CCL28: variants seen among roughly 807,000 people sequenced by gnomAD.
The protein encoded by CCL28 is C-C motif chemokine ligand 28.
A neutral mutation model predicts 7.1 loss-of-function variants in CCL28; 4 were observed. The ratio of observed to expected loss-of-function variants is 0.56; its 90% confidence interval spans 0.28 to 1.29. The LOEUF is 1.29. Among genes scored for constraint, CCL28 ranks in the 50% most tolerant of loss-of-function variants. CCL28 has a pLI of 0.11. For missense variants in CCL28, 151 were observed against 163.4 expected, an observed-to-expected ratio of 0.92 and a Z score of 0.41; for synonymous variants, 55 against 57.8, an observed-to-expected ratio of 0.95 and a Z score of 0.22.
At chr5:43,394,831 A>C (rs991037002) in intron 1 of CCL28, among the ~76,000 whole-genome samples, 1 of 152,084 alleles carries the variant, frequency 6.6e-6, no homozygotes, top group African/African-American at 2.4e-5. Context: ...TGAAAGTTTT[A>C]AATTGCTGCG....
chr5:43,370,252 T>G, the CCL28 span, among the ~76,000 whole-genome samples: 1 of 152,208 alleles, frequency 6.6e-6, no homozygotes, highest in Non-Finnish European at 1.5e-5. Context: ...AATATATAAT[T>G]CAAATACCAG....
At chr5:43,357,716 T>C in the CCL28 span, among the ~76,000 whole-genome samples, 1 of 152,094 alleles carries the variant, frequency 6.6e-6, no homozygotes, top group Non-Finnish European at 1.5e-5. Context: ...GAGTGTAGGC[T>C]ACAACATTTT....
At chr5:43,367,956 G>A in the CCL28 span, among the ~76,000 whole-genome samples, 2 of 152,314 alleles carry the variant, frequency 1.3e-5, no homozygotes, top group African/African-American at 4.8e-5. Context: ...CTGCCATGAA[G>A]TTAAGCAATA....
downstream of CCL28, among the ~76,000 whole-genome samples, chr5:43,375,369 A>C (rs1739867796): frequency 6.8e-6 from 1 of 146,448 alleles, no homozygotes; most frequent in East Asian, 2.0e-4. Context: ...CTCAAAAAAA[A>C]AAAAAAAAAA....
chr5:43,399,913 A>G (rs1234022039), intron 1 of CCL28, among the ~76,000 whole-genome samples: 2 of 150,552 alleles, frequency 1.3e-5, no homozygotes, highest in Non-Finnish European at 3.0e-5. Flanking sequence ...TGGTGTGATC[A>G]CGGCTCACCG....
At chr5:43,385,537 A>G (rs535239628) in intron 2 of CCL28, among the ~76,000 whole-genome samples, 1 of 152,362 alleles carries the variant, frequency 6.6e-6, no homozygotes, top group South Asian at 2.1e-4. Context: ...ATTTTAGATA[A>G]GTAAAGACAT....
At position 43,388,227 on chromosome 5, in the gene CCL28, C is replaced by T. The variant is rs542644466; in HGVS notation, c.191+123G>A. The T allele has an allele frequency of 4.9e-5, 61 of 1,247,510 alleles. No individual in the cohort carries two copies. The South Asian group carries it at 7.6e-4, about 16-fold the overall frequency. 77.3% of individuals were successfully genotyped at this position (1,247,510 alleles called of 1,614,324 possible). A position where few individuals can be genotyped will look rare whatever the true frequency, so the allele number is the denominator to read the frequency against. On this transcript the variant is annotated intron_variant, in intron 2 of 2. Coordinates refer to ENST00000361115, the MANE Select transcript of CCL28 (RefSeq NM_148672.3). ...CCTAATGGACAGAATATTTACTCTTCCCTCCCTTGTTTGGATGATTGTTTG... is the reference window on the plus strand; with the variant it reads ...CCTAATGGACAGAATATTTACTCTTTCCTCCCTTGTTTGGATGATTGTTTG...
At chr5:43,370,742 C>T in the CCL28 span, among the ~76,000 whole-genome samples, 11 of 38,968 alleles carry the variant, frequency 2.8e-4, 3 homozygotes, top group Non-Finnish European at 3.6e-4. Context: ...CTCTTTCTCT[C>T]TCTTTTTTTT....
At chr5:43,368,616 A>G in the CCL28 span, among the ~76,000 whole-genome samples, 2 of 152,190 alleles carry the variant, frequency 1.3e-5, no homozygotes, top group Non-Finnish European at 2.9e-5. Context: ...CTTTATTTGG[A>G]AATAGAGTTG....
chr5:43,394,796 A>ATGCCTAGAACAG (rs1740731420), intron 1 of CCL28, among the ~76,000 whole-genome samples: 1 of 152,144 alleles, frequency 6.6e-6, no homozygotes, highest in Non-Finnish European at 1.5e-5. Flanking sequence ...ACTTTGCTAA[A>ATGCCTAGAACAG]TGCCTAGAAC....
intron 1 of CCL28, among the ~76,000 whole-genome samples, chr5:43,389,079 A>G (rs1335827644): frequency 6.6e-6 from 1 of 152,230 alleles, no homozygotes; most frequent in Non-Finnish European, 1.5e-5. Context: ...ATCCATAAAG[A>G]CAGAAAGTAG....
At chr5:43,386,990 T>C (rs1740363389) in intron 2 of CCL28, among the ~76,000 whole-genome samples, 1 of 152,186 alleles carries the variant, frequency 6.6e-6, no homozygotes, top group Non-Finnish European at 1.5e-5. Flanking sequence ...ATTTGTTGAA[T>C]TCACTGAAAG....
At chr5:43,373,901 CA>C (rs1194216037), downstream of CCL28, among the ~76,000 whole-genome samples, 1 of 152,110 alleles carries the variant, frequency 6.6e-6, no homozygotes, top group African/African-American at 2.4e-5. Context: ...GAAAAATGAG[CA>C]GAAATAGAGA....
intron 1 of CCL28, among the ~76,000 whole-genome samples, chr5:43,399,661 A>G (rs1220409493): frequency 6.6e-6 from 1 of 152,122 alleles, no homozygotes; most frequent in African/African-American, 2.4e-5. Flanking sequence ...GTTTTTGGTC[A>G]AGCTCTTATG....
downstream of CCL28, chr5:43,379,089 T>C (rs1435841557): frequency 1.3e-5 from 2 of 152,244 alleles, no homozygotes; most frequent in South Asian, 2.1e-4. Flanking sequence ...CCTACTGTCA[T>C]TCATAGCTGC....
rs35785846 is a variant in CCL28 at position 43,395,855 on chromosome 5, CTTTTTTTTTTT to C, written c.65-7390_65-7380del. Among the ~76,000 whole-genome samples, 3 of 94,248 alleles carry C rather than the reference CTTTTTTTTTTT, an allele frequency of 3.2e-5. No individual in the cohort carries two copies. The East Asian group carries it at 1.0e-3, about 32-fold the overall frequency. The allele number at this position is 94,248 out of a possible 152,430, so 61.8% of individuals were successfully genotyped here. ...GGACTATTCATGCCTTACCCCCCGC[CTTTTTTTTTTT>C]TTTTTTTTTTTTTGAGACGGAGTAT... On this transcript the variant is annotated intron_variant, in intron 1 of 2. Transcript: ENST00000361115.
chr5:43,363,692 C>T, the CCL28 span, among the ~76,000 whole-genome samples: 3 of 152,222 alleles, frequency 2.0e-5, no homozygotes, highest in South Asian at 6.2e-4. Context: ...CAGGGGTTTA[C>T]CCTGACAGGT....
At chr5:43,397,186 C>T (rs1740846279) in intron 1 of CCL28, 1 of 152,328 alleles carries the variant, frequency 6.6e-6, no homozygotes, top group Non-Finnish European at 1.5e-5. Context: ...TGCCCAGACG[C>T]GCACGTCGCC....
downstream of CCL28, among the ~76,000 whole-genome samples, chr5:43,375,606 T>C (rs568875925): frequency 5.9e-4 from 90 of 152,188 alleles, no homozygotes; most frequent in Admixed American, 1.4e-3. Flanking sequence ...ATGCTGTTAC[T>C]TAAAAATCTT....
Sources: gnomAD v4.1 joint callset for allele counts (sites outside exome capture counted in the v4.1 genomes callset) on GRCh38, gnomAD v4.1.1 for gene constraint, MANE v1.5 for transcripts, NCBI Gene and HGNC (gene_info 2026-07-23, HGNC 2026-07-21) for gene names.